POLR3B: variants seen among roughly 807,000 people sequenced by gnomAD.
POLR3B encodes the protein DNA-directed RNA polymerase III subunit RPC2.
In POLR3B, 96 loss-of-function variants were observed where a neutral mutation model predicts 147.4. The observed-to-expected ratio is 0.65, with a 90% CI of 0.55 to 0.77. The LOEUF (loss-of-function observed/expected upper bound fraction) is 0.77. Ranked by LOEUF, POLR3B falls within the 30% of genes least tolerant of loss-of-function variation. The probability of loss-of-function intolerance (pLI) is 0.00; values close to 1 mark genes in which losing one functional copy is unlikely to be tolerated. For missense variants in POLR3B, 1,036 were observed against 1,413.5 expected (o/e 0.73, Z 4.28); for synonymous variants, 461 against 485.9 (o/e 0.95, Z 0.67).
At chr12:106,358,497 C>A (rs2136871388) in intron 1 of POLR3B, among the ~76,000 whole-genome samples, 1 of 152,314 alleles carries the variant, frequency 6.6e-6, no homozygotes, top group East Asian at 1.9e-4. Context: ...CCACAGCTTT[C>A]ATCAGCTTCT....
chr12:106,357,942 G>C lies in POLR3B; in HGVS notation c.63G>C (p.Pro21=), dbSNP rs762535171. 5.6e-6 allele frequency: 9 copies of C among 1,612,806 alleles called. No homozygotes were observed. In the South Asian group the frequency reaches 9.9e-5, roughly 18 times the overall value. The part of the protein sequence containing the change: ...LTPEQLAAPI[P]TVEEKWRLLP... ...CGGAGCAGCTGGCGGCGCCGATCCCGACTGTAGAGGTCAGTGCCAGGCACG... is the reference window on the plus strand; with the variant it reads ...CGGAGCAGCTGGCGGCGCCGATCCCCACTGTAGAGGTCAGTGCCAGGCACG... The change falls in exon 1 of 28, where the codon CCG becomes CCC. Residue 21 remains proline, a synonymous_variant. Transcript: ENST00000228347.
intron 25 of POLR3B, among the ~76,000 whole-genome samples, chr12:106,499,807 T>G (rs2038566645): frequency 6.6e-6 from 1 of 152,182 alleles, no homozygotes; most frequent in African/African-American, 2.4e-5. Context: ...CTCTGTGTCT[T>G]CCAAGAACCA....
intron 9 of POLR3B, among the ~76,000 whole-genome samples, chr12:106,382,761 G>C (rs1205756820): frequency 1.3e-5 from 2 of 152,196 alleles, no homozygotes; most frequent in Non-Finnish European, 2.9e-5. Context: ...ATGCAGAGTA[G>C]ATATAGCATA....
At chr12:106,467,568 A>G (rs964009670) in intron 23 of POLR3B, among the ~76,000 whole-genome samples, 2 of 152,194 alleles carry the variant, frequency 1.3e-5, no homozygotes, top group African/African-American at 2.4e-5. Context: ...TTGCCCATTC[A>G]GTATGATATT....
intron 18 of POLR3B, among the ~76,000 whole-genome samples, chr12:106,443,523 C>CT (rs71072678): frequency 0.24 from 35,426 of 146,744 alleles, 4,421 homozygotes; most frequent in Middle Eastern, 0.29. Context: ...AGTAACTATT[C>CT]TTTTTTTTTT....
rs2037969486 is a variant in POLR3B at position 106,463,686 on chromosome 12, AT to A, written c.2713+67del. The A allele has an allele frequency of 6.7e-6, 9 of 1,336,374 alleles. No individual in the cohort carries two copies. The Admixed American group carries it at 1.6e-4, about 23-fold the overall frequency. The allele number at this position is 1,336,374 out of a possible 1,614,324, so 82.8% of individuals were successfully genotyped here. ...ATGAATGTATTTGTTAACCACTTAA[AT>A]AAAATTCCCCCATTTAAAAAATTTA... On this transcript the variant is annotated intron_variant, in intron 23 of 27. Transcript: ENST00000228347.
At chr12:106,361,466 G>T (rs1421392322) in intron 1 of POLR3B, among the ~76,000 whole-genome samples, 3 of 152,160 alleles carry the variant, frequency 2.0e-5, no homozygotes. Context: ...AGGCTGTAAG[G>T]TATCACTGCC....
At chr12:106,436,127 G>A (rs1459962682) in intron 16 of POLR3B, among the ~76,000 whole-genome samples, 1 of 152,138 alleles carries the variant, frequency 6.6e-6, no homozygotes, top group African/African-American at 2.4e-5. Context: ...AACAACTTGT[G>A]TTCCCCTTTT....
intron 18 of POLR3B, among the ~76,000 whole-genome samples, chr12:106,439,868 G>A (rs1343015773): frequency 6.6e-6 from 1 of 151,952 alleles, no homozygotes; most frequent in East Asian, 1.9e-4. Flanking sequence ...ATCAACCTGG[G>A]CAACACAGTG....
chr12:106,418,992 T>G (rs1431946449), intron 12 of POLR3B, among the ~76,000 whole-genome samples: 2 of 152,214 alleles, frequency 1.3e-5, no homozygotes, highest in African/African-American at 2.4e-5. Context: ...AACTTTGTCA[T>G]AATTTGAGAC....
intron 21 of POLR3B, 30 bp downstream of exon 21, chr12:106,457,326 A>G: frequency 6.4e-7 from 1 of 1,563,764 alleles, no homozygotes; most frequent in Non-Finnish European, 8.8e-7. Context: ...AAAAATTTTA[A>G]TACTTTTTGA....
At chr12:106,397,028 G>A (rs1365078101) in intron 10 of POLR3B, among the ~76,000 whole-genome samples, 1 of 151,848 alleles carries the variant, frequency 6.6e-6, no homozygotes, top group Non-Finnish European at 1.5e-5. Flanking sequence ...GGCTGAGTGA[G>A]GTGGGAGGAT....
At chr12:106,491,403 G>A (rs1202809245) in intron 23 of POLR3B, among the ~76,000 whole-genome samples, 1 of 152,066 alleles carries the variant, frequency 6.6e-6, no homozygotes, top group Non-Finnish European at 1.5e-5. Flanking sequence ...TTTTACAGAC[G>A]GCATTTCCCC....
intron 6 of POLR3B, among the ~76,000 whole-genome samples, chr12:106,372,425 C>T (rs761719127): frequency 2.6e-5 from 4 of 151,312 alleles, no homozygotes; most frequent in Non-Finnish European, 5.9e-5. Context: ...GCAACCTCCG[C>T]CCCCCAGGTT....
intron 23 of POLR3B, among the ~76,000 whole-genome samples, chr12:106,480,451 G>A (rs1385138503): frequency 3.3e-5 from 5 of 152,142 alleles, no homozygotes; most frequent in Non-Finnish European, 7.3e-5. Flanking sequence ...GTGGGGCAGT[G>A]CTTAAGGCTG....
chr12:106,488,505 G>C (rs1373951777), intron 23 of POLR3B, among the ~76,000 whole-genome samples: 1 of 152,222 alleles, frequency 6.6e-6, no homozygotes, highest in African/African-American at 2.4e-5. Flanking sequence ...CATTTCCCAA[G>C]TGGTCTAGAC....
rs560987895 is a variant in POLR3B at position 106,390,510 on chromosome 12, C to A, written c.724-2521C>A. ...AGTTTTGTTTGTTTAAAAATTAGAA[C>A]TGGTAATTTTTTTTAGGATTGCTAT... On this transcript the variant is annotated intron_variant, in intron 9 of 27. Transcript: ENST00000228347. Among the ~76,000 whole-genome samples the A allele has an allele frequency of 5.9e-5, 9 of 151,880 alleles. No individual in the cohort carries two copies. The South Asian group carries it at 1.7e-3, about 28-fold the overall frequency.
At chr12:106,380,835 T>A (rs887849408) in intron 9 of POLR3B, among the ~76,000 whole-genome samples, 4 of 152,206 alleles carry the variant, frequency 2.6e-5, no homozygotes, top group Admixed American at 2.6e-4. Flanking sequence ...TGAAATGGTA[T>A]AGTCTTCTCA....
At chr12:106,368,968 C>T (rs78815071) in intron 4 of POLR3B, among the ~76,000 whole-genome samples, 1,839 of 151,948 alleles carry the variant, frequency 0.012, 34 homozygotes, top group African/African-American at 0.043. Context: ...CAAATGATAG[C>T]ATATCATCAG....
Sources: allele counts gnomAD v4.1 joint callset (sites outside exome capture counted in the v4.1 genomes callset), GRCh38; gene constraint gnomAD v4.1.1; transcripts MANE v1.5; gene names NCBI Gene and HGNC (gene_info 2026-07-23, HGNC 2026-07-21).